The following PPP2R2C variants were observed in gnomAD, a reference collection of about 807,000 sequenced individuals.
PPP2R2C encodes the protein protein phosphatase 2 regulatory subunit Bgamma, also known as protein phosphatase 2, regulatory subunit B, gamma.
In PPP2R2C, 10 loss-of-function variants were observed where a neutral mutation model predicts 45.3. That is an observed-to-expected ratio of 0.22 (90% confidence interval 0.14 to 0.37). The LOEUF (loss-of-function observed/expected upper bound fraction) is 0.37, where lower values mean the gene tolerates loss of function less well. PPP2R2C is among the 10% of genes least tolerant of loss of function. PPP2R2C has a pLI of 1.00. For missense variants in PPP2R2C, 308 were observed against 619.7 expected (o/e 0.50, Z 5.34); for synonymous variants, 257 against 245.4 (o/e 1.05, Z -0.44).
chr4:6,470,179 G>C (rs1721791810), intron 1 of PPP2R2C, among the ~76,000 whole-genome samples: 1 of 152,206 alleles, frequency 6.6e-6, no homozygotes, highest in African/African-American at 2.4e-5. Flanking sequence ...TGAGAAGACA[G>C]ACCTCAAGGT....
intron 1 of PPP2R2C, among the ~76,000 whole-genome samples, chr4:6,447,832 A>G (rs1389496249): frequency 6.6e-6 from 1 of 152,186 alleles, no homozygotes; most frequent in African/African-American, 2.4e-5. Flanking sequence ...CTGGAGTAAC[A>G]GCAGCGCAAG....
chr4:6,459,792 C>CA (rs1359024098), intron 1 of PPP2R2C, among the ~76,000 whole-genome samples: 35 of 150,502 alleles, frequency 2.3e-4, no homozygotes, highest in Admixed American at 7.9e-4. Flanking sequence ...GTCACACACA[C>CA]ACAAAAAAAC....
At chr4:6,481,191 A>T (rs566602155) in intron 2 of PPP2R2C, among the ~76,000 whole-genome samples, 1 of 152,288 alleles carries the variant, frequency 6.6e-6, no homozygotes, top group African/African-American at 2.4e-5. Context: ...GAAATGTATC[A>T]ATATTTATCT....
intron 1 of PPP2R2C, among the ~76,000 whole-genome samples, chr4:6,406,056 C>G (rs945865280): frequency 6.6e-6 from 1 of 152,146 alleles, no homozygotes; most frequent in Non-Finnish European, 1.5e-5. Context: ...CACAATTAAA[C>G]TGAGCATTTA....
intron 2 of PPP2R2C, among the ~76,000 whole-genome samples, chr4:6,532,998 G>A (rs758924386): frequency 3.3e-5 from 5 of 152,224 alleles, no homozygotes; most frequent in South Asian, 4.1e-4. Context: ...TGAAGCCCAC[G>A]CTCTGCCCTC....
At chr4:6,383,743 G>C (rs902820397) in intron 1 of PPP2R2C, 1 of 866,278 alleles carries the variant, frequency 1.2e-6, no homozygotes. Context: ...TTCCTGGCCA[G>C]AACGTAAACT....
chr4:6,350,823 A>T, intron 5 of PPP2R2C: 1 of 985,398 alleles, frequency 1.0e-6, no homozygotes, highest in Non-Finnish European at 1.2e-6. Flanking sequence ...CTCCGCAATG[A>T]GATCGCACCA....
chr4:6,390,553 C>T (rs1370403965), intron 1 of PPP2R2C, among the ~76,000 whole-genome samples: 2 of 152,188 alleles, frequency 1.3e-5, no homozygotes, highest in South Asian at 2.1e-4. Flanking sequence ...GGGCGGCGGG[C>T]GCATGGGAGG....
chr4:6,431,152 G>C (rs752435568), intron 1 of PPP2R2C, among the ~76,000 whole-genome samples: 1 of 152,200 alleles, frequency 6.6e-6, no homozygotes, highest in Non-Finnish European at 1.5e-5. Flanking sequence ...GCCTGAGGAG[G>C]GGAAGGTGTG....
intron 2 of PPP2R2C, among the ~76,000 whole-genome samples, chr4:6,511,723 ATGGTGGTGGAGGTGATGG>A (rs780117074): frequency 3.9e-4 from 13 of 33,140 alleles, no homozygotes; most frequent in Non-Finnish European, 5.1e-4. Context: ...GATGGTGGTG[ATGGTGGTGGAGGTGATGG>A]TGGTGATGGC....
intron 6 of PPP2R2C, among the ~76,000 whole-genome samples, chr4:6,342,887 C>G (rs1192961421): frequency 6.6e-6 from 1 of 152,110 alleles, no homozygotes; most frequent in African/African-American, 2.4e-5. Context: ...CCTCGGTCTC[C>G]TCATCTGTCC....
chr4:6,418,547 C>T (rs770402374), intron 1 of PPP2R2C, among the ~76,000 whole-genome samples: 7 of 152,220 alleles, frequency 4.6e-5, no homozygotes, highest in African/African-American at 1.7e-4. Flanking sequence ...ATTCTGGCTG[C>T]GCTAGGGTAG....
intron 2 of PPP2R2C, among the ~76,000 whole-genome samples, chr4:6,527,205 T>C (rs992851925): frequency 6.6e-6 from 1 of 152,214 alleles, no homozygotes; most frequent in Non-Finnish European, 1.5e-5. Flanking sequence ...TATTAGCTAT[T>C]TGCTACCAAC....
chr4:6,347,567 C>T (rs115751807), intron 6 of PPP2R2C, among the ~76,000 whole-genome samples: 2,392 of 152,192 alleles, frequency 0.016, 24 homozygotes, highest in Non-Finnish European at 0.019. Flanking sequence ...AAGTTTGGTG[C>T]CTCCTTACCT....
chr4:6,481,978 C>CAAAAAAAAAA (rs59905632), intron 2 of PPP2R2C, among the ~76,000 whole-genome samples: 1 of 81,152 alleles, frequency 1.2e-5, no homozygotes, highest in African/African-American at 5.2e-5. Flanking sequence ...GACTCCGTCT[C>CAAAAAAAAAA]AAAAAAAAAA....
rs1731517443 is a variant in PPP2R2C at position 6,320,970 on chromosome 4, C to CTTAACACACAT, written c.*2321_*2331dup. ...TTTGTCCCTCCCCTCGACACCTTTT[C>CTTAACACACAT]TTAACACACATTTGATCTTCACAAT... On this transcript the variant is annotated 3_prime_UTR_variant, in exon 9 of 9. Coordinates refer to ENST00000382599, the MANE Select transcript of PPP2R2C (RefSeq NM_020416.4). 1 of 152,220 alleles carries CTTAACACACAT rather than the reference C, an allele frequency of 6.6e-6. No individual in the cohort carries two copies. Among genetic ancestry groups the CTTAACACACAT allele is most frequent in the Non-Finnish European group, 1.5e-5 (1 of 68,034 alleles). The allele number at this position is 152,220 out of a possible 1,614,324, so 9.4% of individuals were successfully genotyped here.
intron 1 of PPP2R2C, among the ~76,000 whole-genome samples, chr4:6,427,837 T>C (rs1049746517): frequency 6.6e-6 from 1 of 152,222 alleles, no homozygotes. Context: ...TAGAGGTAGA[T>C]GGCTGCGGGT....
At chr4:6,561,249 AG>A (rs536435256) in intron 1 of PPP2R2C, among the ~76,000 whole-genome samples, 3 of 152,236 alleles carry the variant, frequency 2.0e-5, no homozygotes, top group Non-Finnish European at 4.4e-5. Context: ...GCCAGAAGAC[AG>A]GCGTCTTGCA....
chr4:6,353,928 C>T (rs1224121426), intron 5 of PPP2R2C, among the ~76,000 whole-genome samples: 3 of 17,046 alleles, frequency 1.8e-4, no homozygotes, highest in East Asian at 1.7e-3. Flanking sequence ...CCCCCCACAC[C>T]GACAGCCCCC....
Sources: gnomAD v4.1 joint callset for allele counts (sites outside exome capture counted in the v4.1 genomes callset) on GRCh38, gnomAD v4.1.1 for gene constraint, MANE v1.5 for transcripts, NCBI Gene and HGNC (gene_info 2026-07-23, HGNC 2026-07-21) for gene names.